KCTD8: variants seen among roughly 807,000 people sequenced by gnomAD.
KCTD8 encodes the protein potassium channel tetramerization domain containing 8.
Under a neutral mutation model 31.5 loss-of-function variants are expected in KCTD8, and 27 were observed. That is an observed-to-expected ratio of 0.86 (90% CI 0.63 to 1.18). KCTD8 has a LOEUF of 1.18. KCTD8 is among the 50% of genes most tolerant of loss of function. The pLI, the probability that KCTD8 is intolerant of heterozygous loss-of-function variation, is 0.00. For missense variants in KCTD8, 658 were observed against 647.7 expected, an observed-to-expected ratio of 1.02 and a Z score of -0.17; for synonymous variants, 290 against 280.0, an observed-to-expected ratio of 1.04 and a Z score of -0.36.
chr4:44,408,668 G>C (rs1389053852), intron 1 of KCTD8, among the ~76,000 whole-genome samples: 3 of 152,118 alleles, frequency 2.0e-5, no homozygotes, highest in Non-Finnish European at 4.4e-5. Context: ...TGCCAGCCTG[G>C]AGTGGAGTGG....
chr4:44,401,719 A>G (rs900591712), intron 1 of KCTD8, among the ~76,000 whole-genome samples: 4 of 152,178 alleles, frequency 2.6e-5, no homozygotes, highest in Non-Finnish European at 4.4e-5. Context: ...AGAATGTTCA[A>G]CACAGGACAT....
At chr4:44,316,242 A>G (rs1448299625) in intron 1 of KCTD8, among the ~76,000 whole-genome samples, 9 of 152,058 alleles carry the variant, frequency 5.9e-5, no homozygotes, top group Admixed American at 5.9e-4. Context: ...GACTTTGGCT[A>G]TCTTTTTTAT....
chr4:44,224,838 C>G (rs1714905424), intron 1 of KCTD8, among the ~76,000 whole-genome samples: 1 of 152,160 alleles, frequency 6.6e-6, no homozygotes, highest in Non-Finnish European at 1.5e-5. Flanking sequence ...CAACCTAAGT[C>G]TTCCAAGGTC....
In KCTD8 at chr4:44,343,805, C is replaced by G. The variant is rs1042061259; in HGVS notation, c.961+103758G>C. Among the ~76,000 whole-genome samples the G allele has an allele frequency of 8.5e-5, 13 of 152,234 alleles. No homozygotes were observed. In the East Asian group the frequency reaches 2.5e-3, roughly 29 times the overall value. ...TTATGCTGAACAAAATCAGTGTCTACTACCTGAAAATTAACTGATCACATT... is the reference window on the plus strand; with the variant it reads ...TTATGCTGAACAAAATCAGTGTCTAGTACCTGAAAATTAACTGATCACATT... On this transcript the variant is annotated intron_variant, in intron 1 of 1. Coordinates refer to ENST00000360029, the MANE Select transcript of KCTD8 (RefSeq NM_198353.3).
At position 44,254,285 on chromosome 4, in the gene KCTD8, C is replaced by T. The variant is rs16856814; in HGVS notation, c.962-79035G>A. Among the ~76,000 whole-genome samples, 4 of 151,990 alleles carry T rather than the reference C, an allele frequency of 2.6e-5. No homozygotes were observed. In the East Asian group the frequency reaches 7.7e-4, roughly 29 times the overall value. On this transcript the variant is annotated intron_variant, in intron 1 of 1. Transcript: ENST00000360029. ...ATACAAAACTGTTTCTAATTCCCAA[C>T]CACTATCCAGCAAACTATTTTCAAA...
chr4:44,401,113 A>G, intron 1 of KCTD8, among the ~76,000 whole-genome samples: 1 of 138,096 alleles, frequency 7.2e-6, no homozygotes, highest in East Asian at 2.2e-4. Context: ...TCAGCCTCCC[A>G]AAGTGCCAGG....
chr4:44,339,462 C>T (rs556782410), intron 1 of KCTD8, among the ~76,000 whole-genome samples: 2 of 151,988 alleles, frequency 1.3e-5, no homozygotes, highest in South Asian at 2.1e-4. Flanking sequence ...TAAACAGGGT[C>T]GATTCAAATG....
intron 1 of KCTD8, among the ~76,000 whole-genome samples, chr4:44,264,533 C>A (rs113868094): frequency 0.079 from 12,010 of 152,118 alleles, 636 homozygotes; most frequent in Non-Finnish European, 0.11. Flanking sequence ...AGACAGTGGG[C>A]GCAGGACAGC....
At chr4:44,217,194 A>T (rs1714674183) in intron 1 of KCTD8, among the ~76,000 whole-genome samples, 1 of 152,164 alleles carries the variant, frequency 6.6e-6, no homozygotes, top group Non-Finnish European at 1.5e-5. Flanking sequence ...CTACAGTAAA[A>T]ATTAGAAATT....
intron 1 of KCTD8, among the ~76,000 whole-genome samples, chr4:44,408,991 CT>C (rs1720888332): frequency 6.6e-6 from 1 of 151,658 alleles, no homozygotes; most frequent in African/African-American, 2.4e-5. Context: ...ACCTGTAACC[CT>C]AGTACTTTGG....
At chr4:44,233,756 C>G (rs563168482) in intron 1 of KCTD8, among the ~76,000 whole-genome samples, 1 of 152,000 alleles carries the variant, frequency 6.6e-6, no homozygotes, top group Non-Finnish European at 1.5e-5. Flanking sequence ...AAAGAAAAAC[C>G]ATACATTATA....
intron 1 of KCTD8, among the ~76,000 whole-genome samples, chr4:44,257,748 G>C (rs954679443): frequency 6.6e-6 from 1 of 151,958 alleles, no homozygotes; most frequent in Non-Finnish European, 1.5e-5. Context: ...AGGATGCAAG[G>C]CAGCCATAGT....
chr4:44,293,601 T>C (rs941202786), intron 1 of KCTD8: 1 of 351,696 alleles, frequency 2.8e-6, no homozygotes, highest in Non-Finnish European at 5.5e-6. Context: ...TTTTAGATGC[T>C]AGATTTCTAG....
At chr4:44,224,362 G>T (rs1350238995) in intron 1 of KCTD8, among the ~76,000 whole-genome samples, 3 of 152,106 alleles carry the variant, frequency 2.0e-5, no homozygotes, top group African/African-American at 7.2e-5. Context: ...CCAACATGCA[G>T]AAAACTCCTT....
intron 1 of KCTD8, among the ~76,000 whole-genome samples, chr4:44,338,433 C>A (rs1577623893): frequency 6.6e-6 from 1 of 152,198 alleles, no homozygotes; most frequent in East Asian, 1.9e-4. Context: ...TCAGTAAAGA[C>A]CAGAGAGAGT....
intron 1 of KCTD8, among the ~76,000 whole-genome samples, chr4:44,399,190 T>C (rs1317225533): frequency 6.6e-6 from 1 of 151,768 alleles, no homozygotes; most frequent in Non-Finnish European, 1.5e-5. Flanking sequence ...CATGTGGAGG[T>C]CATTCCTTTT....
At chr4:44,218,728 A>G (rs1319427765) in intron 1 of KCTD8, among the ~76,000 whole-genome samples, 3 of 151,964 alleles carry the variant, frequency 2.0e-5, no homozygotes, top group Non-Finnish European at 4.4e-5. Context: ...TCCTTCCTAA[A>G]GCCCTATACT....
At position 44,177,462 on chromosome 4, in the gene KCTD8, A is replaced by C. The variant is rs113760640; in HGVS notation, c.962-2212T>G. Among the ~76,000 whole-genome samples, 360 of 152,192 alleles carry C rather than the reference A, an allele frequency of 2.4e-3. 4 individuals carry two copies. Among genetic ancestry groups the C allele is most frequent in the Middle Eastern group, 0.014 (4 of 294 alleles). ...TGTGGTTTGGCTGTGTCCCCACCCAAATATCATCTTGAATTGTAACTCCTA... is the reference window on the plus strand; with the variant it reads ...TGTGGTTTGGCTGTGTCCCCACCCACATATCATCTTGAATTGTAACTCCTA... On this transcript the variant is annotated intron_variant, in intron 1 of 1. Coordinates refer to ENST00000360029, the MANE Select transcript of KCTD8 (RefSeq NM_198353.3).
In KCTD8 at chr4:44,326,267, G is replaced by T. The variant is rs909194225; in HGVS notation, c.961+121296C>A. Among the ~76,000 whole-genome samples the T allele has an allele frequency of 1.9e-4, 29 of 151,192 alleles. 1 individual carries two copies. The highest frequency in any genetic ancestry group is 7.1e-4 in the African/African-American group (29 of 40,782). On this transcript the variant is annotated intron_variant, in intron 1 of 1. Transcript: ENST00000360029. ...ATTTTTGCCTTTATGAACAATAACA[G>T]CACCAATGACTATGATTAGACATGA...
Sources: allele counts gnomAD v4.1 joint callset (sites outside exome capture counted in the v4.1 genomes callset), GRCh38; gene constraint gnomAD v4.1.1; transcripts MANE v1.5; gene names NCBI Gene and HGNC (gene_info 2026-07-23, HGNC 2026-07-21).